Variants in CADM2 observed in about 807,000 individuals in gnomAD.
CADM2 encodes cell adhesion molecule 2, also known as immunoglobulin superfamily member 4D.
Under a neutral mutation model 49.8 loss-of-function variants are expected in CADM2, and 12 were observed. The observed-to-expected ratio is 0.24, with a 90% confidence interval of 0.15 to 0.39. CADM2 has a LOEUF of 0.39. Ranked by LOEUF, CADM2 falls within the 10% of genes least tolerant of loss-of-function variation. The pLI, the probability that CADM2 is intolerant of heterozygous loss-of-function variation, is 1.00. For synonymous variants in CADM2, 214 were observed against 175.4 expected (o/e 1.22, Z -1.74); for missense variants, 378 against 492.3 (o/e 0.77, Z 2.20).
chr3:85,212,812 C>CTCTTTCTTTCCTTCTT (rs2041810712), intron 1 of CADM2, among the ~76,000 whole-genome samples: 2 of 102,642 alleles, frequency 1.9e-5, no homozygotes, highest in East Asian at 3.2e-4. Context: ...TCTTTTTCTT[C>CTCTTTCTTTCCTTCTT]TCTTTCTTTC....
intron 3 of CADM2, among the ~76,000 whole-genome samples, chr3:85,809,483 C>A (rs951577374): frequency 6.6e-6 from 1 of 151,936 alleles, no homozygotes; most frequent in African/African-American, 2.4e-5. Context: ...CCCAGCTACT[C>A]GGGAGTCTGA....
intron 3 of CADM2, among the ~76,000 whole-genome samples, chr3:85,881,833 G>A (rs115956760): frequency 9.3e-4 from 142 of 152,272 alleles, no homozygotes; most frequent in Middle Eastern, 6.8e-3. Flanking sequence ...GTGGGGGATG[G>A]TTTTGGGATG....
chr3:85,582,165 C>T (rs1418334447), intron 1 of CADM2, among the ~76,000 whole-genome samples: 1 of 151,994 alleles, frequency 6.6e-6, no homozygotes, highest in African/African-American at 2.4e-5. Context: ...ATCTCATGAT[C>T]CGCCTGCCTC....
Position 85,452,477 on chromosome 3 carries a change from G to T in CADM2, c.62-274045G>T, listed in dbSNP as rs568700159. Among the ~76,000 whole-genome samples the T allele has an allele frequency of 1.3e-3, 202 of 151,992 alleles. 2 individuals carry two copies. Among genetic ancestry groups the T allele is most frequent in the Middle Eastern group, 3.4e-3 (1 of 294 alleles). On this transcript the variant is annotated intron_variant, in intron 1 of 9. Transcript: ENST00000383699. ...TACAATAGTACTGGCTCTGTGTTTTGTTTTTGTTTTTATTATAATATATCT... is the reference window on the plus strand; with the variant it reads ...TACAATAGTACTGGCTCTGTGTTTTTTTTTTGTTTTTATTATAATATATCT...
At chr3:85,006,752 A>G in intron 1 of CADM2, among the ~76,000 whole-genome samples, 1 of 152,282 alleles carries the variant, frequency 6.6e-6, no homozygotes, top group East Asian at 1.9e-4. Flanking sequence ...TTAATGAATT[A>G]TTAATAATTT....
intron 1 of CADM2, among the ~76,000 whole-genome samples, chr3:85,321,381 C>T (rs575935549): frequency 1.3e-5 from 2 of 150,984 alleles, no homozygotes; most frequent in Admixed American, 6.6e-5. Context: ...CATAGGGTTT[C>T]GTCATGTTGG....
chr3:85,637,632 A>AAAATAAAATAAAATAAAATAAAAT (rs1553753417), intron 1 of CADM2, among the ~76,000 whole-genome samples: 40 of 145,722 alleles, frequency 2.7e-4, no homozygotes, highest in South Asian at 6.4e-4. Flanking sequence ...AAAATAAAAT[A>AAAATAAAATAAAATAAAATAAAAT]AAATAAATAA....
chr3:85,073,620 G>A (rs2036836927), intron 1 of CADM2, among the ~76,000 whole-genome samples: 2 of 151,788 alleles, frequency 1.3e-5, no homozygotes, highest in Non-Finnish European at 2.9e-5. Context: ...CACCTGTGGT[G>A]GTATATTTTC....
chr3:85,762,755 G>A (rs1298154869), intron 2 of CADM2, among the ~76,000 whole-genome samples: 1 of 150,864 alleles, frequency 6.6e-6, no homozygotes, highest in Non-Finnish European at 1.5e-5. Context: ...GTACTATATA[G>A]CATCCATATA....
At chr3:85,179,978 G>A (rs2040884598) in intron 1 of CADM2, among the ~76,000 whole-genome samples, 1 of 151,886 alleles carries the variant, frequency 6.6e-6, no homozygotes, top group Non-Finnish European at 1.5e-5. Flanking sequence ...AATGCTACAG[G>A]CACTGGGGAT....
chr3:85,964,654 A>G (rs1319547840), intron 8 of CADM2, among the ~76,000 whole-genome samples: 3 of 151,700 alleles, frequency 2.0e-5, no homozygotes, highest in Non-Finnish European at 2.9e-5. Flanking sequence ...TTTATCCTCA[A>G]TGAAAGGCCT....
chr3:84,959,764 C>G (rs2030270651), intron 1 of CADM2, 96 bp downstream of exon 1: 2 of 1,194,870 alleles, frequency 1.7e-6, no homozygotes, highest in African/African-American at 3.0e-5. Flanking sequence ...CCCAGTCTCC[C>G]TGTCCCCAGC....
chr3:85,270,590 G>T (rs1415113887), intron 1 of CADM2, among the ~76,000 whole-genome samples: 1 of 151,118 alleles, frequency 6.6e-6, no homozygotes, highest in African/African-American at 2.4e-5. Context: ...AGCATCAACA[G>T]TTCAAATCTG....
chr3:86,066,985 TTTC>T lies in CADM2; in HGVS notation c.*205_*207del. The T allele has an allele frequency of 3.7e-6, 2 of 542,612 alleles. 1 individual carries two copies. 33.6% of individuals were successfully genotyped at this position (542,612 alleles called of 1,614,324 possible). ...ACTGTACCATCCATAATGCAGGACA[TTTC>T]TTACTGCCTAAATTTCACACCATTG... On this transcript the variant is annotated 3_prime_UTR_variant, in exon 10 of 10. Coordinates refer to ENST00000383699, the MANE Select transcript of CADM2 (RefSeq NM_001167675.2).
chr3:85,581,902 T>C (rs544280432), intron 1 of CADM2, among the ~76,000 whole-genome samples: 1 of 142,752 alleles, frequency 7.0e-6, no homozygotes. Context: ...GCTATTTTAT[T>C]TGAAGTGTTT....
chr3:85,914,038 T>G (rs1201754623), intron 6 of CADM2, among the ~76,000 whole-genome samples: 1 of 152,180 alleles, frequency 6.6e-6, no homozygotes, highest in African/African-American at 2.4e-5. Context: ...ATTTTTTGAT[T>G]ACTTTTTATA....
intron 1 of CADM2, among the ~76,000 whole-genome samples, chr3:85,597,121 G>A (rs754889285): frequency 6.6e-6 from 1 of 152,046 alleles, no homozygotes; most frequent in African/African-American, 2.4e-5. Context: ...AGTAGTATAT[G>A]TGATATTGTA....
chr3:85,399,460 G>T (rs1441001765), intron 1 of CADM2, among the ~76,000 whole-genome samples: 1 of 152,126 alleles, frequency 6.6e-6, no homozygotes, highest in Non-Finnish European at 1.5e-5. Flanking sequence ...GGCAATGCGG[G>T]CTCTTTTTTG....
chr3:85,277,238 A>G (rs535282075), intron 1 of CADM2, among the ~76,000 whole-genome samples: 41 of 151,468 alleles, frequency 2.7e-4, no homozygotes, highest in Admixed American at 9.3e-4. Context: ...AGCTCTAAGA[A>G]TCCCTGTTAT....
Sources: gnomAD v4.1 joint callset for allele counts (sites outside exome capture counted in the v4.1 genomes callset) on GRCh38, gnomAD v4.1.1 for gene constraint, MANE v1.5 for transcripts, NCBI Gene and HGNC (gene_info 2026-07-23, HGNC 2026-07-21) for gene names.